Variants in ZSCAN5A observed in about 807,000 individuals in gnomAD.
ZSCAN5A encodes zinc finger and SCAN domain containing 5A.
ZSCAN5A carries 12 observed loss-of-function variants against 23.7 expected under a neutral mutation model. The ratio of observed to expected loss-of-function variants is 0.51; its 90% confidence interval spans 0.32 to 0.82. The LOEUF (loss-of-function observed/expected upper bound fraction) is 0.82, where lower values mean the gene tolerates loss of function less well. Ranked by LOEUF, ZSCAN5A falls within the 40% of genes least tolerant of loss-of-function variation. ZSCAN5A has a pLI of 0.03. For missense variants in ZSCAN5A, 597 were observed against 617.9 expected (o/e 0.97, Z 0.36); for synonymous variants, 257 against 239.9 (o/e 1.07, Z -0.66).
chr19:56,298,496 C>T (rs780891469), intron 2 of ZSCAN5A, among the ~76,000 whole-genome samples: 2 of 151,334 alleles, frequency 1.3e-5, no homozygotes, highest in African/African-American at 2.4e-5. Flanking sequence ...ACTAAAAATA[C>T]AAAAAAATTA....
At chr19:56,316,409 T>TA (rs1568747732), upstream of ZSCAN5A, 1 of 152,048 alleles carries the variant, frequency 6.6e-6, no homozygotes, top group East Asian at 1.9e-4. Context: ...AATCAACACT[T>TA]ACTGATTCCA....
chr19:56,294,441 T>C (rs942742078), intron 2 of ZSCAN5A, among the ~76,000 whole-genome samples: 23 of 152,360 alleles, frequency 1.5e-4, no homozygotes, highest in Middle Eastern at 6.8e-3. Flanking sequence ...GAGATAATAT[T>C]TTTTGCTTGT....
intron 2 of ZSCAN5A, among the ~76,000 whole-genome samples, chr19:56,243,813 G>C (rs2035621332): frequency 1.3e-5 from 2 of 151,980 alleles, no homozygotes. Flanking sequence ...CCACTGTGCT[G>C]AATTCGATGC....
chr19:56,304,860 C>A, intron 2 of ZSCAN5A: 1 of 944,968 alleles, frequency 1.1e-6, no homozygotes, highest in Non-Finnish European at 1.3e-6. Flanking sequence ...TGGGCTTTTC[C>A]CACCGCTGGG....
chr19:56,356,543 CT>C (rs1188406783), intron 2 of ZSCAN5A, among the ~76,000 whole-genome samples: 1 of 147,896 alleles, frequency 6.8e-6, no homozygotes, highest in Non-Finnish European at 1.5e-5. Flanking sequence ...CCTTCTCTAA[CT>C]TCTACTACGG....
rs546846703 is a variant in ZSCAN5A at position 56,322,027 on chromosome 19, GT to G, written c.-357-5760del. Reference sequence around the variant, plus strand: ...AGTAATCATCTCTTTCTACAAGGCTGTTTTTAGTCCTCTGGTGACGGCATCT... The same window carrying G: ...AGTAATCATCTCTTTCTACAAGGCTGTTTTAGTCCTCTGGTGACGGCATCT... On this transcript the variant is annotated intron_variant, in intron 2 of 6. Transcript: ENST00000587340. The G allele has an allele frequency of 1.1e-3, 886 of 776,688 alleles. 6 individuals carry two copies. The African/African-American group carries it at 0.012, about 11-fold the overall frequency. 48.1% of individuals were successfully genotyped at this position (776,688 alleles called of 1,614,324 possible).
At chr19:56,344,754 T>G (rs1212500456) in intron 2 of ZSCAN5A, among the ~76,000 whole-genome samples, 1 of 148,152 alleles carries the variant, frequency 6.7e-6, no homozygotes, top group Non-Finnish European at 1.5e-5. Flanking sequence ...ATACAAAAAA[T>G]TAGCCGGGCG....
chr19:56,222,620 G>A lies in ZSCAN5A; in HGVS notation c.710C>T (p.Ser237Phe), dbSNP rs1173157535. The A allele has an allele frequency of 6.2e-7, 1 of 1,614,200 alleles. No homozygotes were observed. Among genetic ancestry groups the A allele is most frequent in the Non-Finnish European group, 8.5e-7 (1 of 1,180,038 alleles). The part of the protein sequence containing the change: ...ENREENPGLT[S>F]PEPQLPKSPT... ...ACTCTTTGGAAGCTGAGGCTCTGGG[G>A]ATGTCAGTCCTGGGTTCTCTTCCCT... The change falls in exon 5 of 6, where the codon TCC (serine) becomes TTC (phenylalanine). Residue 237 changes from serine (S) to phenylalanine (F), a missense_variant. Transcript: ENST00000683990.
intron 2 of ZSCAN5A, among the ~76,000 whole-genome samples, chr19:56,242,814 T>A (rs1048310924): frequency 1.6e-4 from 24 of 152,198 alleles, no homozygotes; most frequent in African/African-American, 5.8e-4. Context: ...GTCTCGCTCT[T>A]GTTGCCCAGG....
chr19:56,240,686 G>A (rs1255696827), intron 2 of ZSCAN5A, among the ~76,000 whole-genome samples: 2 of 152,140 alleles, frequency 1.3e-5, no homozygotes, highest in Non-Finnish European at 2.9e-5. Context: ...ATTAACTCTG[G>A]CTTGTTATGA....
chr19:56,286,132 C>T (rs1377733539), intron 2 of ZSCAN5A, among the ~76,000 whole-genome samples: 1 of 152,182 alleles, frequency 6.6e-6, no homozygotes, highest in East Asian at 1.9e-4. Context: ...AGCGATTCTC[C>T]TGCCTCAGCC....
chr19:56,292,663 G>C (rs1478270813), intron 2 of ZSCAN5A, among the ~76,000 whole-genome samples: 1 of 151,740 alleles, frequency 6.6e-6, no homozygotes, highest in African/African-American at 2.4e-5. Flanking sequence ...ACTGACTCCA[G>C]AACTTTATAA....
intron 2 of ZSCAN5A, among the ~76,000 whole-genome samples, chr19:56,235,145 C>T (rs62122503): frequency 0.089 from 3,747 of 41,936 alleles, 121 homozygotes; most frequent in Middle Eastern, 0.14. Context: ...GTGGGCCAAG[C>T]CTCCACTCCA....
intron 2 of ZSCAN5A, among the ~76,000 whole-genome samples, chr19:56,250,109 A>G (rs2146727586): frequency 6.6e-6 from 1 of 152,350 alleles, no homozygotes; most frequent in South Asian, 2.1e-4. Flanking sequence ...GCAAAGGAAT[A>G]AGAAAATTTT....
At chr19:56,229,194 C>G (rs2034246939) in intron 2 of ZSCAN5A, among the ~76,000 whole-genome samples, 1 of 152,096 alleles carries the variant, frequency 6.6e-6, no homozygotes, top group African/African-American at 2.4e-5. Flanking sequence ...CAAGTAGTGA[C>G]TCATTCATTT....
rs1369371608 is a variant in ZSCAN5A at position 56,224,467 on chromosome 19, G to A, written c.384+196C>T. 42 of 804,992 alleles carry A rather than the reference G, an allele frequency of 5.2e-5. 1 individual carries two copies. The highest frequency in any genetic ancestry group is 1.5e-4 in the Admixed American group (5 of 33,238). 49.9% of individuals were successfully genotyped at this position (804,992 alleles called of 1,614,324 possible). Reference sequence around the variant, plus strand: ...TGGGTTGTCCTGAGCGTTAGAGAACGCTTAGCAGCGTCTCCTGTCCTCCCT... The same window carrying A: ...TGGGTTGTCCTGAGCGTTAGAGAACACTTAGCAGCGTCTCCTGTCCTCCCT... On this transcript the variant is annotated intron_variant, in intron 3 of 5. Coordinates refer to ENST00000683990, the MANE Select transcript of ZSCAN5A (RefSeq NM_001322064.3).
chr19:56,230,352 G>A (rs1015818089), intron 2 of ZSCAN5A, among the ~76,000 whole-genome samples: 5 of 152,106 alleles, frequency 3.3e-5, no homozygotes, highest in Admixed American at 1.3e-4. Context: ...CCAAAGTGCC[G>A]GGATTACAGG....
At chr19:56,357,720 AC>A (rs2041707860) in intron 2 of ZSCAN5A, among the ~76,000 whole-genome samples, 1 of 148,394 alleles carries the variant, frequency 6.7e-6, no homozygotes, top group Admixed American at 6.7e-5. Context: ...TGCAAAATTA[AC>A]CAGCCAGCAT....
intron 2 of ZSCAN5A, among the ~76,000 whole-genome samples, chr19:56,265,859 A>G (rs1160251814): frequency 1.3e-5 from 2 of 152,216 alleles, no homozygotes; most frequent in African/African-American, 4.8e-5. Flanking sequence ...TAGTGTAAAA[A>G]TAAGGATCTG....
Sources: gnomAD v4.1 joint callset for allele counts (sites outside exome capture counted in the v4.1 genomes callset) on GRCh38, gnomAD v4.1.1 for gene constraint, MANE v1.5 for transcripts, NCBI Gene and HGNC (gene_info 2026-07-23, HGNC 2026-07-21) for gene names.